The following GRHL2 variants were observed in gnomAD, a reference collection of about 807,000 sequenced individuals.
GRHL2 encodes the protein grainyhead like transcription factor 2.
GRHL2 carries 21 observed loss-of-function variants against 83.8 expected under a neutral mutation model. The observed-to-expected ratio is 0.25, with a 90% CI of 0.18 to 0.36. The LOEUF is 0.36. Ranked by LOEUF, GRHL2 falls within the 10% of genes least tolerant of loss-of-function variation. The pLI is 1.00. For synonymous variants in GRHL2, 280 were observed against 278.9 expected, an observed-to-expected ratio of 1.00 and a Z score of -0.04; for missense variants, 623 against 781.8, an observed-to-expected ratio of 0.80 and a Z score of 2.42.
At chr8:101,678,186 T>C in the GRHL2 span, among the ~76,000 whole-genome samples, 9 of 152,192 alleles carry the variant, frequency 5.9e-5, no homozygotes, top group African/African-American at 1.7e-4. Flanking sequence ...TTCATCTCAC[T>C]AGGGAGTGCC....
At chr8:101,643,444 T>C (rs1451995240) in intron 12 of GRHL2, among the ~76,000 whole-genome samples, 2 of 148,438 alleles carry the variant, frequency 1.3e-5, no homozygotes, top group Non-Finnish European at 3.0e-5. Context: ...GGACAGTGAC[T>C]GTGGGAGGAA....
intron 2 of GRHL2, among the ~76,000 whole-genome samples, chr8:101,547,127 T>A (rs1260074548): frequency 6.6e-6 from 1 of 152,248 alleles, no homozygotes; most frequent in East Asian, 1.9e-4. Flanking sequence ...TGCCTGGGTG[T>A]TCACAGCTTA....
chr8:101,550,644 T>A (rs1212956705), intron 2 of GRHL2, among the ~76,000 whole-genome samples: 1 of 152,256 alleles, frequency 6.6e-6, no homozygotes, highest in Non-Finnish European at 1.5e-5. Context: ...CATTATTAAG[T>A]GTCCAGTTCT....
At chr8:101,641,700 A>G (rs1455388864) in intron 12 of GRHL2, among the ~76,000 whole-genome samples, 2 of 152,106 alleles carry the variant, frequency 1.3e-5, no homozygotes, top group East Asian at 1.9e-4. Context: ...TGCCAGGGAG[A>G]TGGAAATTGA....
At chr8:101,637,222 A>C (rs1425415497) in intron 12 of GRHL2, among the ~76,000 whole-genome samples, 1 of 152,034 alleles carries the variant, frequency 6.6e-6, no homozygotes, top group African/African-American at 2.4e-5. Flanking sequence ...CCATCCTTTC[A>C]TCAATAATCC....
intron 8 of GRHL2, among the ~76,000 whole-genome samples, chr8:101,619,116 G>A (rs1812912186): frequency 6.6e-6 from 1 of 152,050 alleles, no homozygotes; most frequent in Non-Finnish European, 1.5e-5. Context: ...AGCCAGACGT[G>A]GTGGCAGGCT....
chr8:101,527,100 A>T (rs1810824547), intron 1 of GRHL2, among the ~76,000 whole-genome samples: 1 of 152,182 alleles, frequency 6.6e-6, no homozygotes, highest in South Asian at 2.1e-4. Context: ...TAAGGCACAT[A>T]TATCTCAGTA....
rs556655322 is a variant in GRHL2, at chr8:101,669,494, G to A, written c.*2791G>A. On this transcript the variant is annotated 3_prime_UTR_variant, in exon 16 of 16. Coordinates refer to ENST00000646743, the MANE Select transcript of GRHL2 (RefSeq NM_024915.4). ...CCTTCTTATTTAAAATCATGCAAAT[G>A]CAACAGAAATAGAGGGTTTGTGCCA... 1.3e-5 allele frequency: 2 copies of A among 152,282 alleles called. No homozygotes were observed. The highest frequency in any genetic ancestry group is 2.4e-5 in the African/African-American group (1 of 41,470). The allele number at this position is 152,282 out of a possible 1,614,324, so 9.4% of individuals were successfully genotyped here.
intron 1 of GRHL2, among the ~76,000 whole-genome samples, chr8:101,496,134 C>T (rs375268447): frequency 8.7e-5 from 11 of 125,872 alleles, no homozygotes; most frequent in Admixed American, 3.6e-4. Context: ...GGTGACAGTG[C>T]GAGACTCCAT....
intron 1 of GRHL2, among the ~76,000 whole-genome samples, chr8:101,520,604 T>C (rs765625315): frequency 2.0e-5 from 3 of 152,152 alleles, no homozygotes; most frequent in Admixed American, 1.3e-4. Flanking sequence ...ACCCTCTGTA[T>C]GGATTGAACA....
chr8:101,675,237 G>T, the GRHL2 span, among the ~76,000 whole-genome samples: 14 of 152,150 alleles, frequency 9.2e-5, no homozygotes, highest in African/African-American at 3.4e-4. Flanking sequence ...GGAAATGAAG[G>T]CTATTCAATT....
chr8:101,659,960 T>C (rs1451816129), intron 14 of GRHL2, among the ~76,000 whole-genome samples: 3 of 152,204 alleles, frequency 2.0e-5, no homozygotes, highest in Admixed American at 6.5e-5. Context: ...CAGGGTTACG[T>C]AGAAGTATTT....
chr8:101,597,727 GC>G (rs1347473748), intron 7 of GRHL2, among the ~76,000 whole-genome samples: 2 of 151,582 alleles, frequency 1.3e-5, no homozygotes, highest in East Asian at 1.9e-4. Flanking sequence ...TATACCTAAT[GC>G]TAAATGACAA....
At chr8:101,548,992 A>G (rs144814533) in intron 2 of GRHL2, among the ~76,000 whole-genome samples, 1 of 152,252 alleles carries the variant, frequency 6.6e-6, no homozygotes, top group East Asian at 1.9e-4. Context: ...TTCAATAAGT[A>G]TTTAGTGAGG....
At chr8:101,647,229 A>G (rs1489166771) in intron 13 of GRHL2, among the ~76,000 whole-genome samples, 2 of 152,100 alleles carry the variant, frequency 1.3e-5, no homozygotes, top group African/African-American at 2.4e-5. Flanking sequence ...GTCGGGTGTG[A>G]TGGCACATGC....
At chr8:101,672,240 A>G (rs1291682602), downstream of GRHL2, among the ~76,000 whole-genome samples, 1 of 151,742 alleles carries the variant, frequency 6.6e-6, no homozygotes, top group Admixed American at 6.6e-5. Flanking sequence ...AAGGCTTCAG[A>G]CGATCAAACT....
chr8:101,630,113 C>G (rs1359090828), intron 9 of GRHL2, among the ~76,000 whole-genome samples: 1 of 152,106 alleles, frequency 6.6e-6, no homozygotes, highest in African/African-American at 2.4e-5. Context: ...ATGTAAAGCT[C>G]TTAGAAATTC....
chr8:101,631,602 C>T, intron 9 of GRHL2, 35 bp from the exon 10 acceptor site: 1 of 1,540,796 alleles, frequency 6.5e-7, no homozygotes, highest in Non-Finnish European at 9.0e-7. Flanking sequence ...TGCTAATATG[C>T]CTGGCATTTT....
chr8:101,638,665 C>A (rs925874699), intron 12 of GRHL2, among the ~76,000 whole-genome samples: 2 of 152,200 alleles, frequency 1.3e-5, no homozygotes, highest in African/African-American at 4.8e-5. Context: ...AGGAGCAGAA[C>A]CTCATCCAGC....
Sources: gnomAD v4.1 joint callset for allele counts (sites outside exome capture counted in the v4.1 genomes callset) on GRCh38, gnomAD v4.1.1 for gene constraint, MANE v1.5 for transcripts, NCBI Gene and HGNC (gene_info 2026-07-23, HGNC 2026-07-21) for gene names.